Variants in ZNF544 observed in about 807,000 individuals in gnomAD.
ZNF544 encodes zinc finger protein AF020591.
In ZNF544, 10 loss-of-function variants were observed where a neutral mutation model predicts 13.5. The ratio of observed to expected loss-of-function variants is 0.74; its 90% CI spans 0.46 to 1.25. ZNF544 has a LOEUF of 1.25. ZNF544 is among the 50% of genes most tolerant of loss of function. The probability of loss-of-function intolerance (pLI) is 0.00; values close to 1 mark genes in which losing one functional copy is unlikely to be tolerated. For missense variants in ZNF544, 896 were observed against 845.6 expected, an observed-to-expected ratio of 1.06 and a Z score of -0.74; for synonymous variants, 323 against 300.5, an observed-to-expected ratio of 1.07 and a Z score of -0.77.
chr19:58,268,920 G>A (rs1485691093), downstream of ZNF544, among the ~76,000 whole-genome samples: 2 of 152,190 alleles, frequency 1.3e-5, no homozygotes, highest in Non-Finnish European at 2.9e-5. Flanking sequence ...TTTCAAGGAA[G>A]TTAGTTTATA....
intron 3 of ZNF544, among the ~76,000 whole-genome samples, chr19:58,237,635 T>C (rs978847637): frequency 1.5e-4 from 23 of 152,320 alleles, no homozygotes; most frequent in African/African-American, 4.3e-4. Flanking sequence ...TTGCTTTTTT[T>C]CCCCACTCAT....
chr19:58,245,033 C>G lies in ZNF544; in HGVS notation c.33+977C>G, dbSNP rs150242085. Among the ~76,000 whole-genome samples, 12 of 151,882 alleles carry G rather than the reference C, an allele frequency of 7.9e-5. No individual in the cohort carries two copies. The East Asian group carries it at 2.1e-3, about 27-fold the overall frequency. ...GCACAATCTCAGCTCACTGCAACTCCGCCTCCTGGTTTCAAGCAATTCTCC... is the reference window on the plus strand; with the variant it reads ...GCACAATCTCAGCTCACTGCAACTCGGCCTCCTGGTTTCAAGCAATTCTCC... On this transcript the variant is annotated intron_variant, in intron 4 of 6. Transcript: ENST00000687789.
chr19:58,235,284 T>G (rs922349483), intron 3 of ZNF544, among the ~76,000 whole-genome samples: 6 of 152,156 alleles, frequency 3.9e-5, no homozygotes, highest in African/African-American at 1.4e-4. Context: ...TATCTAAACA[T>G]AGAAAAGGTA....
intron 5 of ZNF544, among the ~76,000 whole-genome samples, chr19:58,271,542 C>T (rs1466000491): frequency 6.6e-6 from 1 of 151,976 alleles, no homozygotes; most frequent in Non-Finnish European, 1.5e-5. Context: ...GTTGAGGCTG[C>T]AGTTAGCTGT....
chr19:58,275,202 T>C (rs1387136528), intron 5 of ZNF544, among the ~76,000 whole-genome samples: 1 of 152,108 alleles, frequency 6.6e-6, no homozygotes, highest in Non-Finnish European at 1.5e-5. Context: ...CCCCCCACAC[T>C]TGTCTCCCGT....
chr19:58,259,928 A>C (rs2048525481), intron 6 of ZNF544: 1 of 152,068 alleles, frequency 6.6e-6, no homozygotes, highest in Non-Finnish European at 1.5e-5. Flanking sequence ...TAAACAAAAC[A>C]AAATAAAATA....
At chr19:58,241,920 C>A (rs528845870) in intron 3 of ZNF544, among the ~76,000 whole-genome samples, 1 of 124,910 alleles carries the variant, frequency 8.0e-6, no homozygotes, top group Non-Finnish European at 1.6e-5. Context: ...TTGCTGTTCA[C>A]TTCTCTCTCT....
At chr19:58,268,408 T>C (rs2050206102), downstream of ZNF544, among the ~76,000 whole-genome samples, 2 of 152,258 alleles carry the variant, frequency 1.3e-5, no homozygotes, top group South Asian at 4.1e-4. Flanking sequence ...ATGTTATAGA[T>C]ACAATGTTTA....
At position 58,262,678 on chromosome 19, in the gene ZNF544, G is replaced by T. The variant is rs1283868140; in HGVS notation, c.2072G>T (p.Ser691Ile). The T allele has an allele frequency of 1.2e-6, 2 of 1,612,746 alleles. No individual in the cohort carries two copies. The highest frequency in any genetic ancestry group is 2.7e-5 in the African/African-American group (2 of 74,830). ...IHSGEKPYEC[S>I]DCGKSFRQQS... ...TCTGGAGAGAAACCCTATGAATGTA[G>T]TGACTGTGGGAAATCCTTCCGGCAG... Residue 691 changes from serine to isoleucine, a missense_variant, in exon 7 of 7, where the codon AGT (serine) becomes ATT (isoleucine). Physicochemically the swap from Ser to Ile is moderately radical, Grantham distance 142. Coordinates refer to ENST00000687789, the MANE Select transcript of ZNF544 (RefSeq NM_014480.4).
chr19:58,271,215 G>GAAAAAA (rs78260094), intron 5 of ZNF544, among the ~76,000 whole-genome samples: 1 of 116,946 alleles, frequency 8.6e-6, no homozygotes. Flanking sequence ...CCGTCTCCAG[G>GAAAAAA]AAAAAAAAAA....
chr19:58,234,181 ACTTGT>A (rs2041926502), intron 3 of ZNF544, among the ~76,000 whole-genome samples: 2 of 152,032 alleles, frequency 1.3e-5, no homozygotes, highest in African/African-American at 4.8e-5. Context: ...TAGAATCTAA[ACTTGT>A]ATGGGACTTT....
intron 3 of ZNF544, among the ~76,000 whole-genome samples, chr19:58,239,758 G>T (rs758598832): frequency 3.9e-5 from 6 of 152,114 alleles, no homozygotes; most frequent in Non-Finnish European, 7.4e-5. Context: ...AATTAGCCAG[G>T]TGTGGTGGCT....
chr19:58,267,367 A>C (rs1246591029), downstream of ZNF544, among the ~76,000 whole-genome samples: 1 of 151,724 alleles, frequency 6.6e-6, no homozygotes, highest in East Asian at 2.0e-4. Flanking sequence ...CAGCAGAATC[A>C]AATATTTAAA....
intron 3 of ZNF544, among the ~76,000 whole-genome samples, chr19:58,238,899 G>A (rs1568456494): frequency 6.6e-6 from 1 of 151,944 alleles, no homozygotes; most frequent in Non-Finnish European, 1.5e-5. Flanking sequence ...GCCCTGATCA[G>A]CATGCAAAGG....
At position 58,263,190 on chromosome 19, in the gene ZNF544, G is replaced by A; in HGVS notation, c.*436G>A. 1 of 995,678 alleles carries A rather than the reference G, an allele frequency of 1.0e-6. No homozygotes were observed. The highest frequency in any genetic ancestry group is 4.4e-5 in the South Asian group (1 of 22,952). The allele number at this position is 995,678 out of a possible 1,614,324, so 61.7% of individuals were successfully genotyped here. A position where few individuals can be genotyped will look rare whatever the true frequency, so the allele number is the denominator to read the frequency against. The stretch of plus-strand genomic sequence containing the variant: ...AATAACCAAGATGGAGCCGGGTGCA[G>A]TTGCCAACACTTGTAATCCCAGCAG... On this transcript the variant is annotated 3_prime_UTR_variant, in exon 7 of 7. Transcript: ENST00000687789.
chr19:58,237,569 C>T (rs149223131), intron 3 of ZNF544, among the ~76,000 whole-genome samples: 9 of 152,364 alleles, frequency 5.9e-5, no homozygotes, highest in Admixed American at 1.3e-4. Context: ...CTTGCCCCGC[C>T]AGCGGTCCGA....
chr19:58,262,092 CAG>C lies in ZNF544; in HGVS notation c.1487_1488del (p.Gln496LeufsTer10), dbSNP rs2049086684. On this transcript the variant is annotated frameshift_variant, in exon 7 of 7. Coordinates refer to ENST00000687789, the MANE Select transcript of ZNF544 (RefSeq NM_014480.4). LOFTEE classifies it low-confidence loss of function (END_TRUNC). Reference protein sequence around the residue: ...HTGEKPFKCTQCGKSFSQKYD... With the variant: ...HTGEKPFKCTXCGKSFSQKYD... ...TGGAGAAAAACCCTTCAAATGTACT[CAG>C]TGTGGGAAATCTTTCAGCCAGAAGT... 4 of 1,610,338 alleles carry C rather than the reference CAG, an allele frequency of 2.5e-6. No individual in the cohort carries two copies. In the African/African-American group the frequency reaches 5.4e-5, roughly 22 times the overall value.
chr19:58,253,172 ATTTT>A (rs2147298492), intron 6 of ZNF544, among the ~76,000 whole-genome samples: 1 of 152,326 alleles, frequency 6.6e-6, no homozygotes, highest in South Asian at 2.1e-4. Flanking sequence ...ATCAAAAACA[ATTTT>A]AAGATTTTAA....
At position 58,263,549 on chromosome 19, in the gene ZNF544, A is replaced by G; in HGVS notation, c.*795A>G. On this transcript the variant is annotated 3_prime_UTR_variant, in exon 7 of 7. Transcript: ENST00000687789. ...AACATGACTCTCAGAGTGGGGCTTCATGACCATGTGCATCAGAATTGCCTG... is the reference window on the plus strand; with the variant it reads ...AACATGACTCTCAGAGTGGGGCTTCGTGACCATGTGCATCAGAATTGCCTG... 5.1e-6 allele frequency: 5 copies of G among 985,504 alleles called. No homozygotes were observed. Among genetic ancestry groups the G allele is most frequent in the Non-Finnish European group, 6.0e-6 (5 of 829,958 alleles). The allele number at this position is 985,504 out of a possible 1,614,324, so 61.0% of individuals were successfully genotyped here. A position where few individuals can be genotyped will look rare whatever the true frequency, so the allele number is the denominator to read the frequency against.
Sources: gnomAD v4.1 joint callset for allele counts (sites outside exome capture counted in the v4.1 genomes callset) on GRCh38, gnomAD v4.1.1 for gene constraint, MANE v1.5 for transcripts, NCBI Gene and HGNC (gene_info 2026-07-23, HGNC 2026-07-21) for gene names.